CAMK4: variants seen among roughly 807,000 people sequenced by gnomAD.
The protein encoded by CAMK4 is calcium/calmodulin dependent protein kinase IV.
A neutral mutation model predicts 44.9 loss-of-function variants in CAMK4; 22 were observed. The observed-to-expected ratio is 0.49, with a 90% confidence interval of 0.35 to 0.70. The LOEUF (loss-of-function observed/expected upper bound fraction) is 0.70, where lower values mean the gene tolerates loss of function less well. Among genes scored for constraint, CAMK4 ranks in the 30% least tolerant of loss-of-function variants. The pLI is 0.01. For missense variants in CAMK4, 498 were observed against 586.8 expected (o/e 0.85, Z 1.56); for synonymous variants, 218 against 215.4 (o/e 1.01, Z -0.11).
chr5:111,458,910 G>A (rs1704744127), intron 7 of CAMK4, among the ~76,000 whole-genome samples: 1 of 152,092 alleles, frequency 6.6e-6, no homozygotes, highest in African/African-American at 2.4e-5. Context: ...TAGGAGAGGG[G>A]ATAACTAACA....
chr5:111,276,720 T>C (rs1030423663), intron 1 of CAMK4, among the ~76,000 whole-genome samples: 3 of 152,124 alleles, frequency 2.0e-5, no homozygotes, highest in African/African-American at 7.2e-5. Context: ...GGGATAGGGG[T>C]GCTTCTATGA....
chr5:111,484,437 C>T lies in CAMK4; in HGVS notation c.1393C>T (p.Gln465Ter), dbSNP rs769540190. The T allele has an allele frequency of 2.6e-6, 4 of 1,526,920 alleles. No individual in the cohort carries two copies. The highest frequency in any genetic ancestry group is 3.5e-6 in the Non-Finnish European group (4 of 1,138,948). The allele number at this position is 1,526,920 out of a possible 1,614,324, so 94.6% of individuals were successfully genotyped here. ...CTCTGCTGTGGGTTTTGAAGTTCCA[C>T]AGCAAGATGTGATCCTGCCAGAGTA... ...GSSAVGFEVP[Q>*]QDVILPEY The change falls in exon 11 of 11, where the codon CAG (glutamine) becomes TAG (stop). Residue 465 changes from glutamine to a stop codon, truncating the protein, a stop_gained. Coordinates refer to ENST00000282356, the MANE Select transcript of CAMK4 (RefSeq NM_001744.6). LOFTEE classifies it high-confidence loss of function. This position sits in a 1 kb window ranked among gnomAD's most constrained non-coding sequence, Gnocchi z 5.3.
intron 1 of CAMK4, among the ~76,000 whole-genome samples, chr5:111,292,568 T>G (rs889982904): frequency 1.3e-5 from 2 of 152,118 alleles, no homozygotes; most frequent in South Asian, 2.1e-4. Flanking sequence ...TTTAATAGCA[T>G]AGTGAGAAAA....
chr5:111,231,815 T>C (rs894528250), intron 1 of CAMK4, among the ~76,000 whole-genome samples: 1 of 152,226 alleles, frequency 6.6e-6, no homozygotes, highest in Non-Finnish European at 1.5e-5. Context: ...AAACAAATTG[T>C]AAAAATAAAT....
rs1405605508 is a variant in CAMK4 at position 111,470,937 on chromosome 5, A to C, written c.626-2374A>C. Reference sequence around the variant, plus strand: ...TTGGCCCTCCAGAAAGTCAACAGGCAAAATGCCTTGAGCATCCAAAAAAAC... The same window carrying C: ...TTGGCCCTCCAGAAAGTCAACAGGCCAAATGCCTTGAGCATCCAAAAAAAC... On this transcript the variant is annotated intron_variant, in intron 7 of 10. Coordinates refer to ENST00000282356, the MANE Select transcript of CAMK4 (RefSeq NM_001744.6). 4.6e-5 allele frequency among the ~76,000 whole-genome samples: 7 copies of C among 152,234 alleles called. No individual in the cohort carries two copies. In the East Asian group the frequency reaches 1.3e-3, roughly 29 times the overall value.
Position 111,491,453 on chromosome 5 carries a change from C to T in CAMK4, c.*6987C>T, listed in dbSNP as rs1424433237. 6.7e-6 allele frequency: 1 copy of T among 150,348 alleles called. No individual in the cohort carries two copies. The highest frequency in any genetic ancestry group is 2.5e-5 in the African/African-American group (1 of 40,782). The allele number at this position is 150,348 out of a possible 1,614,324, so 9.3% of individuals were successfully genotyped here. On this transcript the variant is annotated 3_prime_UTR_variant, in exon 11 of 11. Transcript: ENST00000282356. Reference sequence around the variant, plus strand: ...TTTGTTTTTTTTTTTTTCTCCTTAGCTTAAGGTTCGTATTCCCATTTGCTT... The same window carrying T: ...TTTGTTTTTTTTTTTTTCTCCTTAGTTTAAGGTTCGTATTCCCATTTGCTT...
At chr5:111,436,176 A>T (rs554829281) in intron 5 of CAMK4, among the ~76,000 whole-genome samples, 1 of 152,360 alleles carries the variant, frequency 6.6e-6, no homozygotes, top group East Asian at 1.9e-4. Context: ...ATTGAATCTA[A>T]GAAAAGTAAT....
intron 1 of CAMK4, among the ~76,000 whole-genome samples, chr5:111,232,646 G>C (rs1748531400): frequency 6.6e-6 from 1 of 152,102 alleles, no homozygotes; most frequent in African/African-American, 2.4e-5. Context: ...CATTGTGAGA[G>C]AAAAACGTCA....
intron 5 of CAMK4, among the ~76,000 whole-genome samples, chr5:111,427,426 G>A (rs4957611): frequency 0.18 from 27,902 of 152,150 alleles, 2,765 homozygotes; most frequent in Non-Finnish European, 0.23. Flanking sequence ...CCTCAGCGGG[G>A]GTAGAACACC....
rs188365397 is a variant in CAMK4 at position 111,396,558 on chromosome 5, A to G, written c.459+1776A>G. ...GTGCATAAACTTAATCCTGTTCTCC[A>G]TCATTCTGTGACTGTTGCTGGCATG... is the stretch of plus-strand genomic sequence containing the variant. On this transcript the variant is annotated intron_variant, in intron 5 of 10. Coordinates refer to ENST00000282356, the MANE Select transcript of CAMK4 (RefSeq NM_001744.6). 8.0e-5 allele frequency among the ~76,000 whole-genome samples: 12 copies of G among 149,834 alleles called. No individual in the cohort carries two copies. The East Asian group carries it at 2.2e-3, about 27-fold the overall frequency.
chr5:111,449,157 A>T lies in CAMK4; in HGVS notation c.579A>T (p.Glu193Asp). ...ATTTTGGACTCTCTAAAATTGTGGA[A>T]CATCAAGTGCTCATGAAGACAGTAT... ...IADFGLSKIV[E>D]HQVLMKTVCG... The change falls in exon 7 of 11, where the codon GAA (glutamate) becomes GAT (aspartate). Residue 193 changes from glutamate (E) to aspartate (D), a missense_variant. Physicochemically the swap from Glu to Asp is conservative, Grantham distance 45. Around this residue, in one of 3 missense-constraint regions of CAMK4, gnomAD observed 203 missense variants for 298.2 expected, o/e 0.68. Transcript: ENST00000282356. The T allele has an allele frequency of 6.3e-7, 1 of 1,581,416 alleles. No individual in the cohort carries two copies. The highest frequency in any genetic ancestry group is 8.7e-7 in the Non-Finnish European group (1 of 1,152,288).
chr5:111,475,775 C>T (rs952151827), intron 8 of CAMK4, among the ~76,000 whole-genome samples: 2 of 152,132 alleles, frequency 1.3e-5, no homozygotes, highest in Non-Finnish European at 2.9e-5. Context: ...CTGGCACGGT[C>T]GACTGGCACA....
In CAMK4 at chr5:111,486,767, A is replaced by G. The variant is rs1390446273; in HGVS notation, c.*2301A>G. The G allele has an allele frequency of 6.6e-6, 1 of 152,028 alleles. No homozygotes were observed. Among genetic ancestry groups the G allele is most frequent in the Non-Finnish European group, 1.5e-5 (1 of 68,014 alleles). The allele number at this position is 152,028 out of a possible 1,614,324, so 9.4% of individuals were successfully genotyped here. A position where few individuals can be genotyped will look rare whatever the true frequency, so the allele number is the denominator to read the frequency against. ...ATGCCCAATGTGTATTTTAGAATTTACTCATTTAAATGAGTGCATATTACC... is the reference window on the plus strand; with the variant it reads ...ATGCCCAATGTGTATTTTAGAATTTGCTCATTTAAATGAGTGCATATTACC... On this transcript the variant is annotated 3_prime_UTR_variant, in exon 11 of 11. Transcript: ENST00000282356.
At chr5:111,332,754 TG>T (rs1468038029) in intron 1 of CAMK4, among the ~76,000 whole-genome samples, 4 of 151,652 alleles carry the variant, frequency 2.6e-5, no homozygotes, top group South Asian at 2.1e-4. Flanking sequence ...ATTACAACAT[TG>T]GTGCTTTTAC....
intron 1 of CAMK4, among the ~76,000 whole-genome samples, chr5:111,297,541 T>A (rs998470399): frequency 6.6e-6 from 1 of 152,230 alleles, no homozygotes; most frequent in South Asian, 2.1e-4. Flanking sequence ...ATTCTGACAT[T>A]CTGGCTTTTT....
At chr5:111,292,879 T>C (rs901328255) in intron 1 of CAMK4, among the ~76,000 whole-genome samples, 3 of 152,298 alleles carry the variant, frequency 2.0e-5, no homozygotes, top group Non-Finnish European at 4.4e-5. Flanking sequence ...TGCAGTGAGC[T>C]GTGATCACAC....
At chr5:111,344,435 C>CAT (rs5870444) in intron 2 of CAMK4, among the ~76,000 whole-genome samples, 64,908 of 146,250 alleles carry the variant, frequency 0.44, 14,366 homozygotes, top group Non-Finnish European at 0.5. Flanking sequence ...CACACACATA[C>CAT]ACACACACAC....
chr5:111,246,671 A>G lies in CAMK4; in HGVS notation c.161+22027A>G, dbSNP rs111361635. ...ACAGTAAGGATCTTTACATCCTCCT[A>G]TTGTTTAATGAAGCAGAATCCACCA... On this transcript the variant is annotated intron_variant, in intron 1 of 10. Coordinates refer to ENST00000282356, the MANE Select transcript of CAMK4 (RefSeq NM_001744.6). Among the ~76,000 whole-genome samples, 448 of 152,196 alleles carry G rather than the reference A, an allele frequency of 2.9e-3. 2 individuals are homozygous for G. The highest frequency in any genetic ancestry group is 9.3e-3 in the East Asian group (48 of 5,174).
At position 111,387,498 on chromosome 5, in the gene CAMK4, A is replaced by G. The variant is rs148647408; in HGVS notation, c.387-7212A>G. On this transcript the variant is annotated intron_variant, in intron 4 of 10. Transcript: ENST00000282356. ...TAACTCTGAGTTTCTTCCTAAAGCC[A>G]GCAGTAATCTTTTCACTTATTGCAT... is the stretch of plus-strand genomic sequence containing the variant. Among the ~76,000 whole-genome samples, 16 of 152,328 alleles carry G rather than the reference A, an allele frequency of 1.1e-4. No homozygotes were observed. The East Asian group carries it at 2.3e-3, about 22-fold the overall frequency.
Sources: allele counts gnomAD v4.1 joint callset (sites outside exome capture counted in the v4.1 genomes callset), GRCh38; gene constraint gnomAD v4.1.1; regional missense constraint gnomAD v4.1.1; non-coding constraint Gnocchi (gnomAD v3.1); transcripts MANE v1.5; gene names NCBI Gene and HGNC (gene_info 2026-07-23, HGNC 2026-07-21).